Variants in PAX2 observed in about 807,000 individuals in gnomAD.
PAX2 encodes paired box protein Pax-2.
In PAX2, 9 loss-of-function variants were observed where a neutral mutation model predicts 41.7. The observed-to-expected ratio is 0.22, with a 90% CI of 0.13 to 0.38. PAX2 has a LOEUF of 0.38. Among genes scored for constraint, PAX2 ranks in the 10% least tolerant of loss-of-function variants. PAX2 has a pLI of 1.00. For synonymous variants in PAX2, 221 were observed against 212.7 expected (o/e 1.04, Z -0.34); for missense variants, 418 against 531.6 (o/e 0.79, Z 2.10).
chr10:100,801,310 C>A (rs1847555239), intron 5 of PAX2, among the ~76,000 whole-genome samples: 1 of 152,230 alleles, frequency 6.6e-6, no homozygotes. Flanking sequence ...AACCTAAGAT[C>A]TATGAAGACC....
At chr10:100,804,816 G>A (rs1189062473) in intron 5 of PAX2, among the ~76,000 whole-genome samples, 5 of 152,088 alleles carry the variant, frequency 3.3e-5, no homozygotes, top group East Asian at 1.9e-4. Flanking sequence ...CATACATCCC[G>A]TAAGACTGAA....
At chr10:100,798,617 C>T (rs191794037) in intron 5 of PAX2, among the ~76,000 whole-genome samples, 1 of 152,244 alleles carries the variant, frequency 6.6e-6, no homozygotes, top group African/African-American at 2.4e-5. Context: ...CTCCCTCACT[C>T]CCGGAATCCC....
rs59360425 is a variant in PAX2 at position 100,815,387 on chromosome 10, G to A, written c.919+6151G>A. On this transcript the variant is annotated intron_variant, in intron 7 of 9. Coordinates refer to ENST00000355243, the MANE Select transcript of PAX2 (RefSeq NM_000278.5). ...GGAGAGGGCTAAGACAACTTCAGAC[G>A]TGTGGCAAGTCAGAGATCCCTTTAC... Among the ~76,000 whole-genome samples, 744 of 152,278 alleles carry A rather than the reference G, an allele frequency of 4.9e-3. 5 individuals are homozygous for A. Among genetic ancestry groups the A allele is most frequent in the African/African-American group, 0.017 (696 of 41,564 alleles).
At chr10:100,819,148 T>C (rs1012738740) in intron 7 of PAX2, among the ~76,000 whole-genome samples, 4 of 151,500 alleles carry the variant, frequency 2.6e-5, no homozygotes, top group African/African-American at 9.7e-5. Flanking sequence ...CTCGTGAGGC[T>C]GAGGCAGGAG....
chr10:100,800,279 T>C lies in PAX2; in HGVS notation c.617-6151T>C, dbSNP rs1221184155. ...TTTTTCTTTTCTTTTCTTTCTTTTT[T>C]TTTTTTTTTTTTTTTTTTGAGACAG... is the stretch of plus-strand genomic sequence containing the variant. On this transcript the variant is annotated intron_variant, in intron 5 of 9. Coordinates refer to ENST00000355243, the MANE Select transcript of PAX2 (RefSeq NM_000278.5). Among the ~76,000 whole-genome samples, 830 of 88,750 alleles carry C rather than the reference T, an allele frequency of 9.4e-3. 1 individual carries two copies. The highest frequency in any genetic ancestry group is 0.026 in the African/African-American group (754 of 28,464). The allele number at this position is 88,750 out of a possible 152,430, so 58.2% of individuals were successfully genotyped here.
chr10:100,767,843 G>T (rs1234947043), intron 3 of PAX2, among the ~76,000 whole-genome samples: 11 of 152,158 alleles, frequency 7.2e-5, no homozygotes, highest in Admixed American at 7.2e-4. Context: ...GGAGGGGGAG[G>T]TGGGAAGCAA....
At chr10:100,822,572 C>G (rs1392321109) in intron 7 of PAX2, among the ~76,000 whole-genome samples, 1 of 152,146 alleles carries the variant, frequency 6.6e-6, no homozygotes, top group African/African-American at 2.4e-5. Context: ...TTTGAAGAAG[C>G]AAGCTATGAT....
At chr10:100,738,661 C>T (rs907924026) in intron 1 of PAX2, among the ~76,000 whole-genome samples, 1 of 152,166 alleles carries the variant, frequency 6.6e-6, no homozygotes, top group Non-Finnish European at 1.5e-5. Context: ...ACCTCCCAGC[C>T]CGTCTAGACC....
Position 100,824,021 on chromosome 10 carries a change from C to T in PAX2, c.920-627C>T, listed in dbSNP as rs1848455383. On this transcript the variant is annotated intron_variant, in intron 7 of 9. Coordinates refer to ENST00000355243, the MANE Select transcript of PAX2 (RefSeq NM_000278.5). This position sits in a 1 kb window ranked among gnomAD's most constrained non-coding sequence, Gnocchi z 6.6. ...TCCTGATTCACTTCAGGGTGGTTTTCTATCATGTAAATGCCATAAACACTA... is the reference window on the plus strand; with the variant it reads ...TCCTGATTCACTTCAGGGTGGTTTTTTATCATGTAAATGCCATAAACACTA... Among the ~76,000 whole-genome samples the T allele has an allele frequency of 6.6e-6, 1 of 152,152 alleles. No individual in the cohort carries two copies. The highest frequency in any genetic ancestry group is 1.5e-5 in the Non-Finnish European group (1 of 68,028).
At chr10:100,786,835 C>T in intron 5 of PAX2, 2 of 570,678 alleles carry the variant, frequency 3.5e-6, no homozygotes, top group Non-Finnish European at 6.5e-6. Flanking sequence ...ACCCTTGTAG[C>T]CCTTAGAAGG....
At chr10:100,813,618 C>A (rs957766486) in intron 7 of PAX2, among the ~76,000 whole-genome samples, 1 of 152,104 alleles carries the variant, frequency 6.6e-6, no homozygotes, top group Non-Finnish European at 1.5e-5. Context: ...CACATACACT[C>A]GTCTGAGTAG....
chr10:100,822,417 AT>A (rs1848403827), intron 7 of PAX2, among the ~76,000 whole-genome samples: 2 of 152,356 alleles, frequency 1.3e-5, no homozygotes, highest in Admixed American at 6.5e-5. Flanking sequence ...AATAAAAAAA[AT>A]GATAACCCAT....
At chr10:100,809,286 C>G in intron 7 of PAX2, 50 bp downstream of exon 7, 2 of 1,583,554 alleles carry the variant, frequency 1.3e-6, no homozygotes, top group Non-Finnish European at 8.6e-7. Context: ...TGGAGGGTGC[C>G]TCAGCCCATG....
At chr10:100,746,456 C>T (rs796426035) in intron 1 of PAX2, among the ~76,000 whole-genome samples, 153 bp downstream of exon 1, 27 of 152,296 alleles carry the variant, frequency 1.8e-4, no homozygotes, top group Admixed American at 1.4e-3. Context: ...CTCCCTCGCC[C>T]GGTGTTTCTA....
At chr10:100,735,660 G>A in exon 1 of PAX2, 1 of 1,060,124 alleles carries the variant, frequency 9.4e-7, no homozygotes, top group African/African-American at 1.6e-5. Flanking sequence ...GCGGAGGAGC[G>A]GGACAGCCAG....
At chr10:100,803,013 T>A (rs1267073877) in intron 5 of PAX2, among the ~76,000 whole-genome samples, 1 of 151,916 alleles carries the variant, frequency 6.6e-6, no homozygotes, top group Non-Finnish European at 1.5e-5. Context: ...TCGCTCCCCA[T>A]CTTCCCGGGA....
chr10:100,766,789 A>G (rs1846045751), intron 3 of PAX2, among the ~76,000 whole-genome samples: 1 of 152,188 alleles, frequency 6.6e-6, no homozygotes, highest in Non-Finnish European at 1.5e-5. Context: ...CACACCAAGA[A>G]GGCAATTAAA....
At chr10:100,819,262 G>C (rs187173967) in intron 7 of PAX2, among the ~76,000 whole-genome samples, 5 of 148,926 alleles carry the variant, frequency 3.4e-5, no homozygotes, top group East Asian at 2.0e-4. Flanking sequence ...AAAAAAAAGG[G>C]GGGGGAGTTT....
intron 7 of PAX2, among the ~76,000 whole-genome samples, chr10:100,815,840 C>T (rs1848168397): frequency 6.6e-6 from 1 of 152,192 alleles, no homozygotes; most frequent in African/African-American, 2.4e-5. Context: ...TACCGGCCAC[C>T]CTGTGCTGCT....
Sources: gnomAD v4.1 joint callset for allele counts (sites outside exome capture counted in the v4.1 genomes callset) on GRCh38, gnomAD v4.1.1 for gene constraint, Gnocchi (gnomAD v3.1) non-coding constraint, MANE v1.5 for transcripts, NCBI Gene and HGNC (gene_info 2026-07-23, HGNC 2026-07-21) for gene names.